The following TLL1 variants were observed in gnomAD, a reference collection of about 807,000 sequenced individuals.
The protein encoded by TLL1 is tolloid like 1.
In TLL1, 49 loss-of-function variants were observed where a neutral mutation model predicts 128.2. The ratio of observed to expected loss-of-function variants is 0.38; its 90% confidence interval spans 0.30 to 0.48. TLL1 has a LOEUF of 0.48. Among genes scored for constraint, TLL1 ranks in the 20% least tolerant of loss-of-function variants. TLL1 has a pLI of 0.96. For missense variants in TLL1, 1,123 were observed against 1,242.0 expected (o/e 0.90, Z 1.44); for synonymous variants, 454 against 418.8 (o/e 1.08, Z -1.03).
chr4:166,014,369 T>C (rs1737838443), intron 7 of TLL1, 67 bp from the exon 8 acceptor site: 2 of 1,604,828 alleles, frequency 1.2e-6, no homozygotes, highest in East Asian at 2.2e-5. Context: ...AAATACCTTA[T>C]AAATGTAAGG....
intron 1 of TLL1, among the ~76,000 whole-genome samples, chr4:165,940,607 C>T (rs1733962015): frequency 6.6e-6 from 1 of 151,856 alleles, no homozygotes; most frequent in Non-Finnish European, 1.5e-5. Context: ...AAATTTATTT[C>T]TTAATTGTTC....
In TLL1 at chr4:166,079,911, C is replaced by T. The variant is rs541228293; in HGVS notation, c.2442+1881C>T. Among the ~76,000 whole-genome samples, 10 of 152,216 alleles carry T rather than the reference C, an allele frequency of 6.6e-5. No individual in the cohort carries two copies. The East Asian group carries it at 1.9e-3, about 29-fold the overall frequency. ...TCAAATTCAGTAATTATTTCTTTGG[C>T]TGTCTCGAATCTACTGATGAATTTG... On this transcript the variant is annotated intron_variant, in intron 18 of 20. Coordinates refer to ENST00000061240, the MANE Select transcript of TLL1 (RefSeq NM_012464.5).
chr4:166,067,388 G>A (rs778085575), intron 16 of TLL1, among the ~76,000 whole-genome samples: 14 of 151,426 alleles, frequency 9.2e-5, no homozygotes, highest in South Asian at 8.3e-4. Flanking sequence ...CAGATTATTC[G>A]TGTCCTTAGA....
intron 1 of TLL1, among the ~76,000 whole-genome samples, chr4:165,884,619 T>A (rs1023821200): frequency 5.9e-5 from 9 of 152,196 alleles, no homozygotes; most frequent in Admixed American, 1.3e-4. Context: ...GTGGATCACC[T>A]GAGGCCAAGA....
At position 166,016,380 on chromosome 4, in the gene TLL1, A is replaced by G. The variant is rs1737948087; in HGVS notation, c.1042+1820A>G. 1.3e-5 allele frequency among the ~76,000 whole-genome samples: 2 copies of G among 152,204 alleles called. 1 individual carries two copies. Among genetic ancestry groups the G allele is most frequent in the South Asian group, 4.1e-4 (2 of 4,826 alleles). On this transcript the variant is annotated intron_variant, in intron 8 of 20. Transcript: ENST00000061240. ...CTTTGTGTATAAAACTCTCTTGATT[A>G]TATCTCTAAATGTACGTCTACATAC...
At chr4:166,047,694 GTT>G (rs1739524930) in intron 12 of TLL1, among the ~76,000 whole-genome samples, 1 of 151,998 alleles carries the variant, frequency 6.6e-6, no homozygotes, top group African/African-American at 2.4e-5. Context: ...CTCAAATAAA[GTT>G]TATGTGTCTT....
Position 165,972,928 on chromosome 4 carries a change from ATAG to A in TLL1, c.170-16451_170-16449del, listed in dbSNP as rs553074395. Reference sequence around the variant, plus strand: ...TATCTTTAGTGCCTTTGTATGAAGTATAGTCATCTGATGGGCATTCTGGCTGAG... The same window carrying A: ...TATCTTTAGTGCCTTTGTATGAAGTATCATCTGATGGGCATTCTGGCTGAG... On this transcript the variant is annotated intron_variant, in intron 1 of 20. Coordinates refer to ENST00000061240, the MANE Select transcript of TLL1 (RefSeq NM_012464.5). Among the ~76,000 whole-genome samples the A allele has an allele frequency of 3.9e-5, 6 of 152,108 alleles. No homozygotes were observed. The South Asian group carries it at 1.2e-3, about 31-fold the overall frequency.
rs535674893 is a variant in TLL1, at chr4:165,927,807, C to A, written c.169+53734C>A. ...ATAACCCACAATGCAAAGGAAAGCC[C>A]TCCACGACAAAGAAATATCTTGTCC... On this transcript the variant is annotated intron_variant, in intron 1 of 20. Transcript: ENST00000061240. Among the ~76,000 whole-genome samples, 3 of 152,306 alleles carry A rather than the reference C, an allele frequency of 2.0e-5. No individual in the cohort carries two copies. The East Asian group carries it at 5.8e-4, about 29-fold the overall frequency.
intron 5 of TLL1, among the ~76,000 whole-genome samples, 197 bp downstream of exon 5, chr4:165,995,375 T>C (rs185933073): frequency 1.3e-5 from 2 of 152,100 alleles, no homozygotes; most frequent in Non-Finnish European, 2.9e-5. Flanking sequence ...CTACTGCAAG[T>C]GTATTCTTTT....
intron 1 of TLL1, among the ~76,000 whole-genome samples, chr4:165,936,986 C>T (rs968100268): frequency 6.6e-6 from 1 of 152,092 alleles, no homozygotes; most frequent in Non-Finnish European, 1.5e-5. Flanking sequence ...CTTACTTCCA[C>T]TTAGGTCTCT....
chr4:165,981,113 A>G (rs1736128736), intron 1 of TLL1, among the ~76,000 whole-genome samples: 1 of 152,070 alleles, frequency 6.6e-6, no homozygotes, highest in Admixed American at 6.6e-5. Flanking sequence ...TCAGTTAATA[A>G]CAGCAGCAGA....
chr4:165,887,876 G>C (rs1264087916), intron 1 of TLL1, among the ~76,000 whole-genome samples: 2 of 151,836 alleles, frequency 1.3e-5, no homozygotes, highest in East Asian at 1.9e-4. Context: ...GCCTGCTTTT[G>C]ATATAGATTT....
At chr4:165,935,634 A>C (rs1733730341) in intron 1 of TLL1, among the ~76,000 whole-genome samples, 1 of 152,208 alleles carries the variant, frequency 6.6e-6, no homozygotes, top group South Asian at 2.1e-4. Flanking sequence ...CCATTCTTCA[A>C]ATGTAACTGC....
rs1184125631 is a variant in TLL1, at chr4:165,891,865, C to T, written c.169+17792C>T. 2.0e-5 allele frequency among the ~76,000 whole-genome samples: 3 copies of T among 152,214 alleles called. No homozygotes were observed. In the East Asian group the frequency reaches 5.8e-4, roughly 29 times the overall value. On this transcript the variant is annotated intron_variant, in intron 1 of 20. Coordinates refer to ENST00000061240, the MANE Select transcript of TLL1 (RefSeq NM_012464.5). ...TTACCCAGTTCCAAAGTTGTTTCCA[C>T]ATTTCCAGGTATCTTTACAGCAGTA...
At chr4:166,089,885 C>T (rs1741685660) in intron 18 of TLL1, among the ~76,000 whole-genome samples, 1 of 151,904 alleles carries the variant, frequency 6.6e-6, no homozygotes, top group South Asian at 2.1e-4. Context: ...CTTCTACTCC[C>T]TAGTTAATAT....
chr4:165,987,229 T>A lies in TLL1; in HGVS notation c.170-2152T>A, dbSNP rs115586919. 9.0e-3 allele frequency among the ~76,000 whole-genome samples: 1,377 copies of A among 152,242 alleles called. 29 individuals are homozygous for A. Among genetic ancestry groups the A allele is most frequent in the African/African-American group, 0.031 (1,281 of 41,558 alleles). ...AGTGGATGATCAGAGCTATTTGCAT[T>A]GTAAATGCACCTGATGGAAGTTTCA... On this transcript the variant is annotated intron_variant, in intron 1 of 20. Transcript: ENST00000061240.
rs1207769031 is a variant in TLL1, at chr4:165,972,439, A to G, written c.170-16942A>G. On this transcript the variant is annotated intron_variant, in intron 1 of 20. Transcript: ENST00000061240. ...TGGAAATCTGTTTTTTCACTTCAGC[A>G]TATGGGTTCCAGGTTTGAAAACTGG... Among the ~76,000 whole-genome samples, 8 of 152,292 alleles carry G rather than the reference A, an allele frequency of 5.3e-5. No individual in the cohort carries two copies. The East Asian group carries it at 5.8e-4, about 11-fold the overall frequency.
intron 1 of TLL1, among the ~76,000 whole-genome samples, chr4:165,972,513 G>T (rs898950200): frequency 6.6e-6 from 1 of 152,166 alleles, no homozygotes; most frequent in African/African-American, 2.4e-5. Flanking sequence ...AGGTGGTGGG[G>T]TGGGGAGTAA....
intron 1 of TLL1, among the ~76,000 whole-genome samples, chr4:165,973,345 CTGGGATAGCACCATCCCAGGATGG>C (rs901280729): frequency 2.6e-5 from 4 of 151,724 alleles, no homozygotes; most frequent in African/African-American, 9.7e-5. Context: ...ATTTCCTATC[CTGGGATAGCACCATCCCAGGATGG>C]TGCTATCAAA....
Sources: allele counts gnomAD v4.1 joint callset (sites outside exome capture counted in the v4.1 genomes callset), GRCh38; gene constraint gnomAD v4.1.1; transcripts MANE v1.5; gene names NCBI Gene and HGNC (gene_info 2026-07-23, HGNC 2026-07-21).